Variants in GKAP1 observed in about 807,000 individuals in gnomAD.
GKAP1 encodes G kinase anchoring protein 1.
In GKAP1, 31 loss-of-function variants were observed where a neutral mutation model predicts 56.7. The ratio of observed to expected loss-of-function variants is 0.55; its 90% confidence interval spans 0.41 to 0.74. The LOEUF is 0.74. GKAP1 is among the 30% of genes least tolerant of loss of function. The probability of loss-of-function intolerance (pLI) is 0.00; values close to 1 mark genes in which losing one functional copy is unlikely to be tolerated. For synonymous variants in GKAP1, 151 were observed against 138.6 expected (o/e 1.09, Z -0.63); for missense variants, 364 against 402.3 (o/e 0.90, Z 0.82).
chr9:83,815,283 TTC>T (rs1309541146), intron 2 of GKAP1, among the ~76,000 whole-genome samples: 1 of 151,996 alleles, frequency 6.6e-6, no homozygotes, highest in East Asian at 1.9e-4. Flanking sequence ...AATTTTTTTT[TTC>T]TCTTTGTGTA....
At chr9:83,783,318 T>C (rs1202583755) in intron 6 of GKAP1, among the ~76,000 whole-genome samples, 1 of 152,178 alleles carries the variant, frequency 6.6e-6, no homozygotes, top group African/African-American at 2.4e-5. Flanking sequence ...TCAATAAAAT[T>C]TTCTGTGATG....
chr9:83,753,337 C>A lies in GKAP1; in HGVS notation c.761G>T (p.Arg254Ile), dbSNP rs755540642. The A allele has an allele frequency of 1.9e-6, 3 of 1,606,104 alleles. No individual in the cohort carries two copies. The highest frequency in any genetic ancestry group is 2.6e-6 in the Non-Finnish European group (3 of 1,173,756). ...HNQEVVLKDG[R>I]IERLKLELER... ...AAGCTCTAACTTTAGTCTTTCAATT[C>A]TTCCATCTTTCAGAACCACTTCCTG... The change falls in exon 9 of 13, where the codon AGA becomes ATA. Residue 254 changes from arginine (R) to isoleucine (I), a missense_variant. Physicochemically the swap from Arg to Ile is moderately conservative, Grantham distance 97. Transcript: ENST00000376371.
intron 8 of GKAP1, among the ~76,000 whole-genome samples, chr9:83,759,149 C>G (rs1367776688): frequency 6.6e-6 from 1 of 152,308 alleles, no homozygotes; most frequent in East Asian, 1.9e-4. Flanking sequence ...CCCCTTTTCC[C>G]TCCTCTTCTG....
intron 9 of GKAP1, chr9:83,748,818 C>G (rs1294245435): frequency 6.6e-6 from 1 of 152,242 alleles, no homozygotes; most frequent in Non-Finnish European, 1.5e-5. Context: ...TGAAAGAACA[C>G]TAGCAATGTG....
At position 83,764,401 on chromosome 9, in the gene GKAP1, C is replaced by T. The variant is rs150420369; in HGVS notation, c.738+4417G>A. On this transcript the variant is annotated intron_variant, in intron 8 of 12. Transcript: ENST00000376371. ...TGCCTTCCACCATGATTGTAAGCCT[C>T]CTGAGGCCTCGCTAGCCATGCACAA... is the stretch of plus-strand genomic sequence containing the variant. Among the ~76,000 whole-genome samples the T allele has an allele frequency of 6.6e-5, 10 of 152,258 alleles. No individual in the cohort carries two copies. The East Asian group carries it at 1.9e-3, about 29-fold the overall frequency.
chr9:83,810,417 G>A (rs545204611), intron 2 of GKAP1, among the ~76,000 whole-genome samples: 1 of 152,230 alleles, frequency 6.6e-6, no homozygotes, highest in Non-Finnish European at 1.5e-5. Flanking sequence ...AAAAGAGTCT[G>A]AAGTTTTATA....
At chr9:83,806,957 C>T (rs1944449062) in intron 2 of GKAP1, among the ~76,000 whole-genome samples, 2 of 152,066 alleles carry the variant, frequency 1.3e-5, no homozygotes, top group Non-Finnish European at 2.9e-5. Context: ...ATGTTAACTC[C>T]CAACTTCCAA....
intron 8 of GKAP1, among the ~76,000 whole-genome samples, chr9:83,760,346 C>T (rs1225157701): frequency 6.6e-6 from 1 of 151,926 alleles, no homozygotes; most frequent in Non-Finnish European, 1.5e-5. Flanking sequence ...GCACCCAACA[C>T]TGGAGCACCC....
intron 7 of GKAP1, among the ~76,000 whole-genome samples, chr9:83,777,777 C>T (rs953376915): frequency 1.1e-4 from 17 of 151,974 alleles, no homozygotes; most frequent in Non-Finnish European, 5.9e-5. Context: ...ATTCAGCATA[C>T]GACGTTAACA....
chr9:83,796,312 G>A (rs1944246609), intron 4 of GKAP1, among the ~76,000 whole-genome samples: 1 of 152,160 alleles, frequency 6.6e-6, no homozygotes, highest in South Asian at 2.1e-4. Context: ...TTTAAATTCA[G>A]TGTTCCAATC....
intron 4 of GKAP1, among the ~76,000 whole-genome samples, chr9:83,795,704 C>T (rs1392671341): frequency 6.6e-6 from 1 of 151,050 alleles, no homozygotes; most frequent in Non-Finnish European, 1.5e-5. Context: ...GCATGCGCTA[C>T]CACATCCAGT....
chr9:83,745,792 C>T (rs909590314), intron 10 of GKAP1, among the ~76,000 whole-genome samples: 73 of 151,282 alleles, frequency 4.8e-4, no homozygotes, highest in African/African-American at 1.5e-3. Flanking sequence ...TATTTTTCCC[C>T]GTATTTTTTT....
rs561044113 is a variant in GKAP1 at position 83,800,695 on chromosome 9, T to C, written c.217-1367A>G. ...GAAAGTTTCTCCATACATAGTGAACTGTAACCTAACAATGTATAAACAAAC... is the reference window on the plus strand; with the variant it reads ...GAAAGTTTCTCCATACATAGTGAACCGTAACCTAACAATGTATAAACAAAC... On this transcript the variant is annotated intron_variant, in intron 3 of 12. Coordinates refer to ENST00000376371, the MANE Select transcript of GKAP1 (RefSeq NM_025211.4). Among the ~76,000 whole-genome samples, 28 of 152,330 alleles carry C rather than the reference T, an allele frequency of 1.8e-4. No homozygotes were observed. The South Asian group carries it at 3.3e-3, about 18-fold the overall frequency.
chr9:83,803,617 C>T (rs1283635151), intron 3 of GKAP1, among the ~76,000 whole-genome samples: 2 of 152,220 alleles, frequency 1.3e-5, no homozygotes, highest in Non-Finnish European at 2.9e-5. Flanking sequence ...CTCCATCTCC[C>T]AGCCGCCTGC....
At chr9:83,765,395 G>A (rs1803486476) in intron 8 of GKAP1, among the ~76,000 whole-genome samples, 1 of 152,240 alleles carries the variant, frequency 6.6e-6, no homozygotes, top group Non-Finnish European at 1.5e-5. Flanking sequence ...GGGCAGTGTG[G>A]AAGGGAAATG....
intron 7 of GKAP1, among the ~76,000 whole-genome samples, chr9:83,773,025 T>C (rs1245798761): frequency 6.6e-6 from 1 of 152,182 alleles, no homozygotes; most frequent in Non-Finnish European, 1.5e-5. Flanking sequence ...TGACAGACTC[T>C]TTAAAAGTTA....
intron 7 of GKAP1, among the ~76,000 whole-genome samples, chr9:83,776,669 A>C (rs1055316719): frequency 2.6e-5 from 4 of 152,038 alleles, no homozygotes; most frequent in African/African-American, 9.7e-5. Context: ...AGATAGCGAG[A>C]CTCCATCTCA....
At chr9:83,802,455 T>C (rs1944346321) in intron 3 of GKAP1, among the ~76,000 whole-genome samples, 1 of 134,056 alleles carries the variant, frequency 7.5e-6, no homozygotes, top group South Asian at 2.3e-4. Flanking sequence ...AAAACCCAGC[T>C]CGGGCAACAG....
At chr9:83,794,997 A>G (rs1944220627) in intron 4 of GKAP1, among the ~76,000 whole-genome samples, 1 of 152,048 alleles carries the variant, frequency 6.6e-6, no homozygotes. Context: ...CTAAAAAACA[A>G]TACAAAAAAC....
Sources: gnomAD v4.1 joint callset for allele counts (sites outside exome capture counted in the v4.1 genomes callset) on GRCh38, gnomAD v4.1.1 for gene constraint, MANE v1.5 for transcripts, NCBI Gene and HGNC (gene_info 2026-07-23, HGNC 2026-07-21) for gene names.